MYH9: variants seen among roughly 807,000 people sequenced by gnomAD.
The protein encoded by MYH9 is myosin heavy chain 9.
MYH9 carries 29 observed loss-of-function variants against 241.9 expected under a neutral mutation model. The ratio of observed to expected loss-of-function variants is 0.12; its 90% CI spans 0.09 to 0.16. MYH9 has a LOEUF of 0.16. MYH9 is among the 10% of genes least tolerant of loss of function. MYH9 has a pLI of 1.00. For synonymous variants in MYH9, 1,047 were observed against 1,062.6 expected (o/e 0.99, Z 0.29); for missense variants, 1,803 against 2,595.5 (o/e 0.69, Z 6.63).
chr22:36,327,364 G>A, intron 4 of MYH9, 97 bp downstream of exon 4: 4 of 1,420,974 alleles, frequency 2.8e-6, no homozygotes, highest in Non-Finnish European at 4.0e-6. Context: ...GGGAATGGGG[G>A]ACTCTGCAAG....
intron 1 of MYH9, among the ~76,000 whole-genome samples, chr22:36,366,137 A>C (rs773348479): frequency 1.3e-5 from 2 of 152,152 alleles, no homozygotes; most frequent in Non-Finnish European, 2.9e-5. Flanking sequence ...GCAGTGAGCC[A>C]AGATCCTGCC....
At chr22:36,387,507 C>T (rs1395604753) in intron 1 of MYH9, among the ~76,000 whole-genome samples, 1 of 151,928 alleles carries the variant, frequency 6.6e-6, no homozygotes, top group Non-Finnish European at 1.5e-5. Flanking sequence ...CTCCAGTGCC[C>T]AGTCCTGAGA....
intron 7 of MYH9, 113 bp from the exon 8 acceptor site, chr22:36,321,009 G>C: frequency 1.2e-6 from 1 of 808,786 alleles, no homozygotes; most frequent in Non-Finnish European, 2.0e-6. Context: ...TTGGAGTGCA[G>C]TGGCATGATC....
Position 36,322,962 on chromosome 22 carries a change from G to A in MYH9, c.613-441C>T, listed in dbSNP as rs572323411. Reference sequence around the variant, plus strand: ...CTTTTCATAGGAAAAGCAAATGAGGGGATCGGATCTGGAAAATATACACGC... The same window carrying A: ...CTTTTCATAGGAAAAGCAAATGAGGAGATCGGATCTGGAAAATATACACGC... On this transcript the variant is annotated intron_variant, in intron 5 of 40. Transcript: ENST00000216181. Among the ~76,000 whole-genome samples, 29 of 152,246 alleles carry A rather than the reference G, an allele frequency of 1.9e-4. No individual in the cohort carries two copies. In the South Asian group the frequency reaches 2.7e-3, roughly 14 times the overall value.
At chr22:36,303,114 G>A (rs1179452526) in intron 19 of MYH9, among the ~76,000 whole-genome samples, 1 of 152,164 alleles carries the variant, frequency 6.6e-6, no homozygotes, top group Non-Finnish European at 1.5e-5. Flanking sequence ...GTACTGTGAA[G>A]GTGGGCTGCA....
intron 1 of MYH9, among the ~76,000 whole-genome samples, chr22:36,374,066 ATT>A (rs111444165): frequency 1.2e-4 from 17 of 143,244 alleles, no homozygotes; most frequent in Middle Eastern, 3.6e-3. Context: ...CCCCCACCTT[ATT>A]TTTTTTTTTT....
rs111959795 is a variant in MYH9 at position 36,281,281 on chromosome 22, A to G, written c.*1387T>C. ...GACAAATGCTACAGACACGGCTCGT[A>G]GCACATGGTTCTCTTTATTGTGATG... On this transcript the variant is annotated 3_prime_UTR_variant, in exon 41 of 41. Coordinates refer to ENST00000216181, the MANE Select transcript of MYH9 (RefSeq NM_002473.6). 5.0e-6 allele frequency: 1 copy of G among 198,922 alleles called. No individual in the cohort carries two copies. The highest frequency in any genetic ancestry group is 1.0e-5 in the Non-Finnish European group (1 of 96,018). 12.3% of individuals were successfully genotyped at this position (198,922 alleles called of 1,614,324 possible). A position where few individuals can be genotyped will look rare whatever the true frequency, so the allele number is the denominator to read the frequency against.
At chr22:36,348,839 CCG>C (rs2146392528) in intron 2 of MYH9, 63 bp downstream of exon 2, 2 of 736,822 alleles carry the variant, frequency 2.7e-6, no homozygotes, top group East Asian at 8.2e-5. Context: ...ATGGGAAGAC[CCG>C]CCCCCCCCCC....
In MYH9 at chr22:36,380,634, G is replaced by C. The variant is rs1004976257; in HGVS notation, c.-20+7173C>G. On this transcript the variant is annotated intron_variant, in intron 1 of 40. Coordinates refer to ENST00000216181, the MANE Select transcript of MYH9 (RefSeq NM_002473.6). ...CAGGTGCCTATAATCCCAGCTACTC[G>C]GGAGGCTGAGGCAGGAGAATCGCTT... Among the ~76,000 whole-genome samples, 3 of 152,210 alleles carry C rather than the reference G, an allele frequency of 2.0e-5. No homozygotes were observed. In the East Asian group the frequency reaches 5.8e-4, roughly 29 times the overall value.
At chr22:36,379,323 C>T (rs528518123) in intron 1 of MYH9, among the ~76,000 whole-genome samples, 5 of 152,204 alleles carry the variant, frequency 3.3e-5, no homozygotes, top group South Asian at 2.1e-4. Flanking sequence ...CTGGCTAACA[C>T]GGTGAAACCC....
rs892309867 is a variant in MYH9, at chr22:36,306,829, G to A, written c.1844-222C>T. Among the ~76,000 whole-genome samples the A allele has an allele frequency of 3.9e-5, 6 of 152,194 alleles. No individual in the cohort carries two copies. The highest frequency in any genetic ancestry group is 1.4e-4 in the African/African-American group (6 of 41,458). On this transcript the variant is annotated intron_variant, in intron 15 of 40. Transcript: ENST00000216181. The surrounding 1 kb of genome is among the most constrained non-coding windows in gnomAD (Gnocchi z 4.1). ...AAAGGCACTGGGCTTGTCTCTTGGG[G>A]AGCCATGCATCTGCCATGGCCACCT...
intron 1 of MYH9, among the ~76,000 whole-genome samples, chr22:36,385,322 T>C (rs572852519): frequency 3.3e-5 from 5 of 152,270 alleles, no homozygotes; most frequent in South Asian, 2.1e-4. Context: ...AAGTACTTTA[T>C]TGAAGAATTA....
Position 36,290,347 on chromosome 22 carries a change from A to AT in MYH9, c.4345-1051_4345-1050insA, listed in dbSNP as rs1273019260. ...AGACAGAGACAGTCTCCAAAAAAAA[A>AT]AAAAAAAAAAACCCAAACTATTTTA... On this transcript the variant is annotated intron_variant, in intron 31 of 40. Transcript: ENST00000216181. Among the ~76,000 whole-genome samples the AT allele has an allele frequency of 1.5e-4, 22 of 151,530 alleles. 1 individual carries two copies. Among genetic ancestry groups the AT allele is most frequent in the African/African-American group, 4.8e-4 (20 of 41,308 alleles).
chr22:36,309,179 G>T, intron 15 of MYH9, 103 bp downstream of exon 15: 1 of 969,260 alleles, frequency 1.0e-6, no homozygotes, highest in Non-Finnish European at 1.6e-6. Context: ...TATGTCAGGG[G>T]GCACATGTGT....
intron 11 of MYH9, 84 bp from the exon 12 acceptor site, chr22:36,316,753 T>C: frequency 1.9e-6 from 3 of 1,553,276 alleles, no homozygotes; most frequent in Non-Finnish European, 1.8e-6. Context: ...ATTTCACTTT[T>C]AGAGTCCTCC....
At chr22:36,361,625 C>T (rs2017937097) in intron 1 of MYH9, among the ~76,000 whole-genome samples, 1 of 152,118 alleles carries the variant, frequency 6.6e-6, no homozygotes, top group African/African-American at 2.4e-5. Context: ...GTCCCTCCTC[C>T]TGCATGGGAA....
intron 2 of MYH9, among the ~76,000 whole-genome samples, chr22:36,347,598 G>C (rs371388698): frequency 2.2e-4 from 33 of 151,884 alleles, no homozygotes; most frequent in African/African-American, 8.0e-4. Context: ...AGCCAGGCGT[G>C]GTGGCACAGG....
chr22:36,334,531 C>T (rs1482488277), intron 3 of MYH9, among the ~76,000 whole-genome samples: 1 of 152,216 alleles, frequency 6.6e-6, no homozygotes, highest in East Asian at 1.9e-4. Flanking sequence ...CAGTGTGTGG[C>T]GCGGTCGCTG....
At position 36,285,681 on chromosome 22, in the gene MYH9, G is replaced by A. The variant is rs770433607; in HGVS notation, c.5251C>T (p.Arg1751Trp). ...ACCTGCAGGTTGGCCTTCTTCAGCCGGTCGTTGATCAGCTCCGTGTTGCCC... is the reference window on the plus strand; with the variant it reads ...ACCTGCAGGTTGGCCTTCTTCAGCCAGTCGTTGATCAGCTCCGTGTTGCCC... ...EQGNTELIND[R>W]LKKANLQIDQ... The change falls in exon 37 of 41, where the codon CGG (arginine) becomes TGG (tryptophan). Residue 1751 changes from arginine (R) to tryptophan (W), a missense_variant. Around this residue, in one of 11 missense-constraint regions of MYH9, gnomAD observed 876 missense variants for 1,077.8 expected, o/e 0.81. Coordinates refer to ENST00000216181, the MANE Select transcript of MYH9 (RefSeq NM_002473.6). This position sits in a 1 kb window ranked among gnomAD's most constrained non-coding sequence, Gnocchi z 7.0. The A allele has an allele frequency of 1.4e-5, 23 of 1,612,734 alleles. No homozygotes were observed. Among genetic ancestry groups the A allele is most frequent in the Non-Finnish European group, 1.8e-5 (21 of 1,179,998 alleles).
Sources: gnomAD v4.1 joint callset for allele counts (sites outside exome capture counted in the v4.1 genomes callset) on GRCh38, gnomAD v4.1.1 for gene constraint, gnomAD v4.1.1 regional missense constraint, Gnocchi (gnomAD v3.1) non-coding constraint, MANE v1.5 for transcripts, NCBI Gene and HGNC (gene_info 2026-07-23, HGNC 2026-07-21) for gene names.